SNTG2: variants seen among roughly 807,000 people sequenced by gnomAD.
The protein encoded by SNTG2 is gamma-2-syntrophin.
Under a neutral mutation model 70.9 loss-of-function variants are expected in SNTG2, and 74 were observed. The ratio of observed to expected loss-of-function variants is 1.04; its 90% CI spans 0.86 to 1.27. The LOEUF (loss-of-function observed/expected upper bound fraction) is 1.27, where lower values mean the gene tolerates loss of function less well. Among genes scored for constraint, SNTG2 ranks in the 50% most tolerant of loss-of-function variants. The pLI, the probability that SNTG2 is intolerant of heterozygous loss-of-function variation, is 0.00. For missense variants in SNTG2, 717 were observed against 690.7 expected (o/e 1.04, Z -0.43); for synonymous variants, 278 against 273.8 (o/e 1.02, Z -0.15).
intron 13 of SNTG2, among the ~76,000 whole-genome samples, chr2:1,266,765 T>TTTTTTTTTTTTTTTTTTTTG: frequency 6.7e-6 from 1 of 149,034 alleles, no homozygotes. Context: ...TTTTTTTTTT[T>TTTTTTTTTTTTTTTTTTTTG]CTTGAGACAG....
At chr2:1,135,951 A>G (rs148206601) in intron 4 of SNTG2, among the ~76,000 whole-genome samples, 1 of 152,328 alleles carries the variant, frequency 6.6e-6, no homozygotes, top group East Asian at 1.9e-4. Flanking sequence ...CCCATGCGTC[A>G]GGTAGGTATT....
At chr2:1,307,095 T>G (rs1431790337) in intron 14 of SNTG2, among the ~76,000 whole-genome samples, 1 of 145,034 alleles carries the variant, frequency 6.9e-6, no homozygotes, top group East Asian at 2.1e-4. Context: ...GTGTGAACCA[T>G]GCACTGTGTG....
At chr2:1,139,864 A>T (rs959109126) in intron 6 of SNTG2, among the ~76,000 whole-genome samples, 1 of 151,466 alleles carries the variant, frequency 6.6e-6, no homozygotes, top group Non-Finnish European at 1.5e-5. Context: ...CTAGTAAATT[A>T]TATGTAAATC....
chr2:1,109,478 A>C (rs1368702253), intron 4 of SNTG2, among the ~76,000 whole-genome samples: 5 of 152,108 alleles, frequency 3.3e-5, no homozygotes, highest in Admixed American at 6.5e-5. Context: ...TTTTCATTGG[A>C]TCTTCATAAA....
At chr2:1,333,841 G>T (rs191466712) in intron 16 of SNTG2, among the ~76,000 whole-genome samples, 1 of 152,276 alleles carries the variant, frequency 6.6e-6, no homozygotes, top group East Asian at 1.9e-4. Context: ...AATTCTGGAA[G>T]GTAACATCAG....
chr2:1,250,745 G>C (rs1677707807), intron 12 of SNTG2, among the ~76,000 whole-genome samples: 1 of 149,314 alleles, frequency 6.7e-6, no homozygotes, highest in South Asian at 2.1e-4. Context: ...CTTTCTCTCT[G>C]TCTCTCCTTC....
chr2:1,184,357 A>G (rs1672117182), intron 8 of SNTG2, among the ~76,000 whole-genome samples: 1 of 152,168 alleles, frequency 6.6e-6, no homozygotes, highest in Non-Finnish European at 1.5e-5. Context: ...TGAGCAAAAA[A>G]TAAAAACAAT....
At chr2:1,318,470 A>G (rs1489563180) in intron 16 of SNTG2, among the ~76,000 whole-genome samples, 1 of 152,244 alleles carries the variant, frequency 6.6e-6, no homozygotes, top group African/African-American at 2.4e-5. Flanking sequence ...GGAAATTGAC[A>G]AAAGCAAAAC....
chr2:1,229,593 C>T (rs920558860), intron 9 of SNTG2, among the ~76,000 whole-genome samples: 4 of 152,222 alleles, frequency 2.6e-5, no homozygotes, highest in Non-Finnish European at 5.9e-5. Flanking sequence ...CCGCGCCGTG[C>T]GCTCGCATTC....
At chr2:1,064,525 C>T (rs1010928969) in intron 1 of SNTG2, among the ~76,000 whole-genome samples, 2 of 151,412 alleles carry the variant, frequency 1.3e-5, no homozygotes, top group Admixed American at 6.6e-5. Context: ...ATCATGACAG[C>T]GTGACTATAG....
chr2:1,132,534 T>C (rs1668093402), intron 4 of SNTG2, among the ~76,000 whole-genome samples: 1 of 152,000 alleles, frequency 6.6e-6, no homozygotes, highest in African/African-American at 2.4e-5. Flanking sequence ...CTTTTGATTA[T>C]GTGTCAAAAG....
intron 1 of SNTG2, among the ~76,000 whole-genome samples, chr2:959,448 GC>G (rs1446280368): frequency 6.6e-6 from 1 of 152,142 alleles, no homozygotes; most frequent in Non-Finnish European, 1.5e-5. Flanking sequence ...GAATCAGAAT[GC>G]TTTTAGATTT....
intron 8 of SNTG2, among the ~76,000 whole-genome samples, chr2:1,208,349 G>T (rs114321674): frequency 1.5e-5 from 2 of 131,196 alleles, no homozygotes; most frequent in East Asian, 3.0e-4. Context: ...TGTGAGGCGC[G>T]TTCTTGCCGG....
At chr2:1,277,208 C>A (rs1489415518) in intron 14 of SNTG2, among the ~76,000 whole-genome samples, 1 of 152,164 alleles carries the variant, frequency 6.6e-6, no homozygotes, top group Non-Finnish European at 1.5e-5. Context: ...AGAAGTTCTA[C>A]CATGGATAAA....
At chr2:1,203,039 A>C (rs959819879) in intron 8 of SNTG2, among the ~76,000 whole-genome samples, 1 of 152,120 alleles carries the variant, frequency 6.6e-6, no homozygotes, top group African/African-American at 2.4e-5. Flanking sequence ...ATGTAGAAGA[A>C]CTACACTACC....
At chr2:1,122,722 CAAAAA>C (rs60163290) in intron 4 of SNTG2, among the ~76,000 whole-genome samples, 15 of 121,954 alleles carry the variant, frequency 1.2e-4, no homozygotes, top group South Asian at 1.0e-3. Flanking sequence ...AGCAATCAGA[CAAAAA>C]AAAAAAAAAA....
intron 14 of SNTG2, among the ~76,000 whole-genome samples, chr2:1,270,595 A>G (rs1678968274): frequency 1.3e-5 from 2 of 152,218 alleles, no homozygotes; most frequent in Non-Finnish European, 2.9e-5. Flanking sequence ...CTGTCTTGAG[A>G]GTCACGTTCT....
chr2:1,095,754 G>A (rs771083143), intron 2 of SNTG2, among the ~76,000 whole-genome samples: 1 of 152,162 alleles, frequency 6.6e-6, no homozygotes, highest in African/African-American at 2.4e-5. Context: ...TTGCTTGCAT[G>A]AGTTTCAAAT....
intron 11 of SNTG2, among the ~76,000 whole-genome samples, chr2:1,240,924 T>G (rs1363641069): frequency 6.6e-6 from 1 of 152,192 alleles, no homozygotes; most frequent in African/African-American, 2.4e-5. Context: ...TTCTTATACA[T>G]AAAATATCAT....
Sources: allele counts gnomAD v4.1 joint callset (sites outside exome capture counted in the v4.1 genomes callset), GRCh38; gene constraint gnomAD v4.1.1; transcripts MANE v1.5; gene names NCBI Gene and HGNC (gene_info 2026-07-23, HGNC 2026-07-21).